Variants in CELF2 observed in about 807,000 individuals in gnomAD.
CELF2 encodes CUGBP Elav-like family member 2, also known as CUG triplet repeat RNA-binding protein 2.
CELF2 carries 8 observed loss-of-function variants against 62.6 expected under a neutral mutation model. That is an observed-to-expected ratio of 0.13 (90% CI 0.07 to 0.23). The LOEUF (loss-of-function observed/expected upper bound fraction) is 0.23. CELF2 is among the 10% of genes least tolerant of loss of function. The pLI, the probability that CELF2 is intolerant of heterozygous loss-of-function variation, is 1.00. For missense variants in CELF2, 333 were observed against 671.0 expected (o/e 0.50, Z 5.56); for synonymous variants, 258 against 250.0 (o/e 1.03, Z -0.30).
At chr10:10,726,677 G>A in the CELF2 span, among the ~76,000 whole-genome samples, 1 of 152,128 alleles carries the variant, frequency 6.6e-6, no homozygotes, top group Non-Finnish European at 1.5e-5. Flanking sequence ...TTACTTTGGG[G>A]GGAAAATGTT....
intron 1 of CELF2, among the ~76,000 whole-genome samples, chr10:11,023,736 G>A (rs1292090520): frequency 6.6e-6 from 1 of 152,222 alleles, no homozygotes; most frequent in Non-Finnish European, 1.5e-5. Flanking sequence ...TACAATTCCA[G>A]TTATGTGGCT....
intron 1 of CELF2, among the ~76,000 whole-genome samples, chr10:11,099,217 C>T (rs565934390): frequency 3.3e-5 from 5 of 152,262 alleles, no homozygotes; most frequent in African/African-American, 1.2e-4. Flanking sequence ...TTTAATACCA[C>T]TGTGTTGCAT....
At chr10:10,814,119 G>A (rs1054864633) in intron 1 of CELF2, among the ~76,000 whole-genome samples, 17 of 147,958 alleles carry the variant, frequency 1.1e-4, no homozygotes, top group South Asian at 2.2e-4. Flanking sequence ...ATGACCTGGA[G>A]CCACATCCTT....
At chr10:11,078,555 C>T (rs1169101922) in intron 1 of CELF2, among the ~76,000 whole-genome samples, 2 of 152,088 alleles carry the variant, frequency 1.3e-5, no homozygotes, top group Admixed American at 6.6e-5. Flanking sequence ...TTTCCAAATC[C>T]CCTATCTTCC....
chr10:10,646,241 C>T, the CELF2 span, among the ~76,000 whole-genome samples: 1 of 152,230 alleles, frequency 6.6e-6, no homozygotes, highest in African/African-American at 2.4e-5. Flanking sequence ...AGGTAGAAAA[C>T]CGTCAAAACC....
At chr10:10,686,315 G>GGC in the CELF2 span, among the ~76,000 whole-genome samples, 1 of 67,456 alleles carries the variant, frequency 1.5e-5, no homozygotes. Flanking sequence ...TTTTTTGGGG[G>GGC]GGGGGGTGGG....
At chr10:11,155,264 T>C (rs2064106523) in intron 1 of CELF2, among the ~76,000 whole-genome samples, 1 of 152,224 alleles carries the variant, frequency 6.6e-6, no homozygotes, top group South Asian at 2.1e-4. Flanking sequence ...AATGAATAAT[T>C]GCGCTGTGCT....
chr10:11,195,916 T>C (rs1315942501), intron 2 of CELF2, among the ~76,000 whole-genome samples: 1 of 152,214 alleles, frequency 6.6e-6, no homozygotes, highest in Non-Finnish European at 1.5e-5. Flanking sequence ...TTGAGTGTCT[T>C]CATTCACAGA....
chr10:10,655,472 T>C, the CELF2 span, among the ~76,000 whole-genome samples: 2 of 127,764 alleles, frequency 1.6e-5, no homozygotes, highest in East Asian at 4.0e-4. Context: ...CTTCAAACTA[T>C]ACTACAAGGC....
At chr10:10,737,738 C>G in the CELF2 span, among the ~76,000 whole-genome samples, 4 of 151,820 alleles carry the variant, frequency 2.6e-5, no homozygotes, top group East Asian at 7.7e-4. Context: ...CATAAGAAAC[C>G]TTGGCAGGTT....
the CELF2 span, among the ~76,000 whole-genome samples, chr10:10,770,471 G>A: frequency 2.3e-3 from 352 of 152,166 alleles, 1 homozygote; most frequent in Admixed American, 3.2e-3. Flanking sequence ...CTGGGGGAGA[G>A]GGTTCAGGCC....
the CELF2 span, among the ~76,000 whole-genome samples, chr10:10,552,092 A>G: frequency 6.6e-6 from 1 of 152,194 alleles, no homozygotes; most frequent in South Asian, 2.1e-4. Flanking sequence ...GTTTCAGACA[A>G]AGCGGTTGCC....
At chr10:10,676,866 C>T in the CELF2 span, among the ~76,000 whole-genome samples, 4 of 152,166 alleles carry the variant, frequency 2.6e-5, no homozygotes, top group African/African-American at 9.7e-5. Flanking sequence ...GAACCAGAAA[C>T]AGACAGTACT....
chr10:11,161,232 G>A (rs182037628), intron 1 of CELF2, among the ~76,000 whole-genome samples: 7 of 152,332 alleles, frequency 4.6e-5, no homozygotes, highest in South Asian at 2.1e-4. Context: ...GCCCACTGGC[G>A]TAGTGCTTGC....
rs2088270735 is a variant in CELF2, at chr10:11,280,885, G to A, written c.841+5765G>A. On this transcript the variant is annotated intron_variant, in intron 8 of 12. Transcript: ENST00000633077. The surrounding 1 kb of genome is among the most constrained non-coding windows in gnomAD (Gnocchi z 7.6). ...GCTTCCTGGCGCCAGCCTCCACTGG[G>A]TCCTTCCCCATTGACACCTGTGCCC... Among the ~76,000 whole-genome samples, 1 of 152,102 alleles carries A rather than the reference G, an allele frequency of 6.6e-6. No individual in the cohort carries two copies. Among genetic ancestry groups the A allele is most frequent in the African/African-American group, 2.4e-5 (1 of 41,428 alleles).
chr10:11,005,019 T>C (rs1564347286), upstream of CELF2: 13 of 983,944 alleles, frequency 1.3e-5, no homozygotes, highest in Middle Eastern at 5.2e-4. This position sits in a 1 kb window ranked among gnomAD's most constrained non-coding sequence, Gnocchi z 4.3. Context: ...TCCTTGGTTG[T>C]TGTTTTTTTT....
Position 11,177,138 on chromosome 10 carries a change from G to T in CELF2, c.271+11456G>T, listed in dbSNP as rs977784512. Among the ~76,000 whole-genome samples, 1 of 152,130 alleles carries T rather than the reference G, an allele frequency of 6.6e-6. No individual in the cohort carries two copies. Among genetic ancestry groups the T allele is most frequent in the African/African-American group, 2.4e-5 (1 of 41,422 alleles). On this transcript the variant is annotated intron_variant, in intron 2 of 12. Transcript: ENST00000633077. The surrounding 1 kb of genome is among the most constrained non-coding windows in gnomAD (Gnocchi z 4.8). ...GCAACTTAGAAAAGGAAGTAAACAT[G>T]TTAATACTAGCTTTCATAAATCCCC...
chr10:10,837,607 T>C (rs917230692), intron 1 of CELF2, among the ~76,000 whole-genome samples: 6 of 152,202 alleles, frequency 3.9e-5, no homozygotes, highest in Non-Finnish European at 8.8e-5. Flanking sequence ...ATACTTGGCA[T>C]TTTCCCGACA....
intron 1 of CELF2, among the ~76,000 whole-genome samples, chr10:10,827,284 G>A (rs917861464): frequency 6.6e-6 from 1 of 152,120 alleles, no homozygotes; most frequent in African/African-American, 2.4e-5. Flanking sequence ...CAATAATGGG[G>A]TACTCAGGGA....
Sources: allele counts gnomAD v4.1 joint callset (sites outside exome capture counted in the v4.1 genomes callset), GRCh38; gene constraint gnomAD v4.1.1; non-coding constraint Gnocchi (gnomAD v3.1); transcripts MANE v1.5; gene names NCBI Gene and HGNC (gene_info 2026-07-23, HGNC 2026-07-21).